Variants in NRG2 observed in about 807,000 individuals in gnomAD.
NRG2 encodes pro-neuregulin-2, membrane-bound isoform.
In NRG2, 27 loss-of-function variants were observed where a neutral mutation model predicts 73.9. That is an observed-to-expected ratio of 0.37 (90% CI 0.27 to 0.50). The LOEUF (loss-of-function observed/expected upper bound fraction) is 0.50. Among genes scored for constraint, NRG2 ranks in the 20% least tolerant of loss-of-function variants. NRG2 has a pLI of 0.96. For synonymous variants in NRG2, 532 were observed against 541.0 expected (o/e 0.98, Z 0.23); for missense variants, 1,126 against 1,210.1 (o/e 0.93, Z 1.03).
At position 140,043,108 on chromosome 5, in the gene NRG2, C is replaced by T; in HGVS notation, c.-39G>A. ...TTGGGGGGCTCCGCCGCTCAGCCGCCGCCGCCTTGGGAGGGGAAACAGAGC... is the reference window on the plus strand; with the variant it reads ...TTGGGGGGCTCCGCCGCTCAGCCGCTGCCGCCTTGGGAGGGGAAACAGAGC... On this transcript the variant is annotated 5_prime_UTR_variant, in exon 1 of 10. Transcript: ENST00000361474. This position sits in a 1 kb window ranked among gnomAD's most constrained non-coding sequence, Gnocchi z 6.7. The T allele has an allele frequency of 1.3e-6, 2 of 1,567,740 alleles. No individual in the cohort carries two copies. Among genetic ancestry groups the T allele is most frequent in the Non-Finnish European group, 8.6e-7 (1 of 1,165,820 alleles).
chr5:139,918,615 T>C (rs898083587), intron 1 of NRG2, among the ~76,000 whole-genome samples: 13 of 152,092 alleles, frequency 8.5e-5, no homozygotes, highest in African/African-American at 2.9e-4. Flanking sequence ...CATCAGTCAC[T>C]AGAACACTGA....
Position 139,865,694 on chromosome 5 carries a change from A to G in NRG2, c.1113-69T>C. The stretch of plus-strand genomic sequence containing the variant: ...ATCCGCGAGGCTAAGGTTAGAAATC[A>G]AAGTGCACAGTGATGAATGAGAAAA... On this transcript the variant is annotated intron_variant, in intron 4 of 9. Transcript: ENST00000361474. This position sits in a 1 kb window ranked among gnomAD's most constrained non-coding sequence, Gnocchi z 5.2. 7.4e-7 allele frequency: 1 copy of G among 1,343,886 alleles called. No individual in the cohort carries two copies. The highest frequency in any genetic ancestry group is 2.3e-5 in the East Asian group (1 of 43,380). 83.2% of individuals were successfully genotyped at this position (1,343,886 alleles called of 1,614,324 possible).
At chr5:139,971,419 C>T (rs1272871624) in intron 1 of NRG2, among the ~76,000 whole-genome samples, 1 of 152,150 alleles carries the variant, frequency 6.6e-6, no homozygotes, top group East Asian at 1.9e-4. Context: ...GTTGATTGTG[C>T]CCACCATTCT....
intron 1 of NRG2, among the ~76,000 whole-genome samples, chr5:139,928,509 A>G (rs1752232011): frequency 6.6e-6 from 1 of 152,184 alleles, no homozygotes; most frequent in Non-Finnish European, 1.5e-5. Context: ...TTCTAGAAGC[A>G]TATGAACCCC....
At chr5:140,029,986 A>AT (rs1761008801) in intron 1 of NRG2, among the ~76,000 whole-genome samples, 1 of 152,144 alleles carries the variant, frequency 6.6e-6, no homozygotes, top group Admixed American at 6.5e-5. Flanking sequence ...CAAGCCAACC[A>AT]TAAGGCTCCC....
At chr5:139,990,002 A>G (rs963337485) in intron 1 of NRG2, among the ~76,000 whole-genome samples, 2 of 151,166 alleles carry the variant, frequency 1.3e-5, no homozygotes, top group Non-Finnish European at 3.0e-5. Flanking sequence ...GTTAGCCAGG[A>G]TGGTCTTGAT....
At chr5:139,967,480 A>G (rs1218640559) in intron 1 of NRG2, among the ~76,000 whole-genome samples, 2 of 152,220 alleles carry the variant, frequency 1.3e-5, no homozygotes, top group African/African-American at 4.8e-5. Flanking sequence ...GCTGATGAAG[A>G]CGCTGCTGCC....
Position 139,887,107 on chromosome 5 carries a change from G to A in NRG2, c.872+233C>T, listed in dbSNP as rs565047232. Among the ~76,000 whole-genome samples the A allele has an allele frequency of 1.3e-5, 2 of 152,384 alleles. No individual in the cohort carries two copies. The highest frequency in any genetic ancestry group is 3.8e-4 in the East Asian group (2 of 5,196). Reference sequence around the variant, plus strand: ...CCTTCAACTATCCAGAGAAGTTAAAGGCTTAATTCTTGTCTGTGGTCTGCA... The same window carrying A: ...CCTTCAACTATCCAGAGAAGTTAAAAGCTTAATTCTTGTCTGTGGTCTGCA... On this transcript the variant is annotated intron_variant, in intron 2 of 9. Transcript: ENST00000361474. This position sits in a 1 kb window ranked among gnomAD's most constrained non-coding sequence, Gnocchi z 4.5.
rs141346193 is a variant in NRG2 at position 139,851,674 on chromosome 5, G to A, written c.1702C>T (p.Arg568Trp). ...RRAAAYNLEE[R>W]RRATAPPYHD... ...TAGGGTGGCGCGGTGGCCCTGCGCC[G>A]CTCCTCCAGGTTGTAGGCTGCTGCC... Residue 568 changes from arginine (R) to tryptophan (W), a missense_variant, in exon 9 of 10, where the codon CGG becomes TGG. By Grantham distance (101) the Arg-to-Trp change is moderately radical (BLOSUM62 -3). This residue lies in a region of NRG2 where 539 missense variants were observed against 703.2 expected (regional missense o/e 0.77). Coordinates refer to ENST00000361474, the MANE Select transcript of NRG2 (RefSeq NM_004883.3). The surrounding 1 kb of genome is among the most constrained non-coding windows in gnomAD (Gnocchi z 4.2). The A allele has an allele frequency of 2.0e-5, 32 of 1,614,100 alleles. No individual in the cohort carries two copies. In the African/African-American group the frequency reaches 2.0e-4, roughly 10 times the overall value.
At chr5:139,966,459 C>A (rs1374513335) in intron 1 of NRG2, among the ~76,000 whole-genome samples, 1 of 152,110 alleles carries the variant, frequency 6.6e-6, no homozygotes, top group Admixed American at 6.5e-5. Flanking sequence ...CTGACAAGCA[C>A]CATCAGAGGT....
At chr5:139,956,788 C>T (rs1323407529) in intron 1 of NRG2, among the ~76,000 whole-genome samples, 1 of 152,238 alleles carries the variant, frequency 6.6e-6, no homozygotes, top group Non-Finnish European at 1.5e-5. Flanking sequence ...TGGAAAGGCA[C>T]TGTAGGTTTC....
At chr5:139,928,187 G>A (rs1018068916) in intron 1 of NRG2, among the ~76,000 whole-genome samples, 1 of 152,178 alleles carries the variant, frequency 6.6e-6, no homozygotes, top group African/African-American at 2.4e-5. Flanking sequence ...ACGAGAACAA[G>A]TGAGCATGAA....
At chr5:139,866,871 GT>G (rs1762502448) in intron 4 of NRG2, among the ~76,000 whole-genome samples, 1 of 152,182 alleles carries the variant, frequency 6.6e-6, no homozygotes, top group African/African-American at 2.4e-5. Flanking sequence ...GCCCAGCCCT[GT>G]ACTCTCTTCT....
chr5:139,905,389 C>A (rs2127180559), intron 1 of NRG2, among the ~76,000 whole-genome samples: 1 of 152,334 alleles, frequency 6.6e-6, no homozygotes, highest in African/African-American at 2.4e-5. Flanking sequence ...GAGGTGTCCC[C>A]TTACAGCCAT....
chr5:140,004,505 A>AT (rs1337852148), intron 1 of NRG2, among the ~76,000 whole-genome samples: 1 of 152,238 alleles, frequency 6.6e-6, no homozygotes, highest in Middle Eastern at 3.2e-3. Flanking sequence ...GTCACCAGTA[A>AT]GATGCCCTCG....
intron 1 of NRG2, among the ~76,000 whole-genome samples, chr5:139,990,081 C>G (rs1051419066): frequency 6.6e-6 from 1 of 151,746 alleles, no homozygotes; most frequent in Non-Finnish European, 1.5e-5. Context: ...AGCCACTGTG[C>G]CTGGCCTTAT....
At chr5:139,946,298 A>G (rs967224503) in intron 1 of NRG2, among the ~76,000 whole-genome samples, 1 of 152,162 alleles carries the variant, frequency 6.6e-6, no homozygotes, top group African/African-American at 2.4e-5. Flanking sequence ...GAATCCGGAA[A>G]TAAACTCTCA....
intron 1 of NRG2, among the ~76,000 whole-genome samples, chr5:139,890,469 CTTTCTT>C (rs796177993): frequency 0.023 from 2,584 of 111,634 alleles, 42 homozygotes; most frequent in African/African-American, 0.088. Flanking sequence ...TTCTTTCTTT[CTTTCTT>C]TTTTTTTTTT....
At chr5:139,901,822 G>A (rs1324768759) in intron 1 of NRG2, among the ~76,000 whole-genome samples, 2 of 152,206 alleles carry the variant, frequency 1.3e-5, no homozygotes, top group African/African-American at 4.8e-5. Flanking sequence ...ACACAGAAAA[G>A]GCTGGTAACT....
Sources: gnomAD v4.1 joint callset for allele counts (sites outside exome capture counted in the v4.1 genomes callset) on GRCh38, gnomAD v4.1.1 for gene constraint, gnomAD v4.1.1 regional missense constraint, Gnocchi (gnomAD v3.1) non-coding constraint, MANE v1.5 for transcripts, NCBI Gene and HGNC (gene_info 2026-07-23, HGNC 2026-07-21) for gene names.